The following HOOK2 variants were observed in gnomAD, a reference collection of about 807,000 sequenced individuals.
HOOK2 encodes the protein hook microtubule tethering protein 2, also known as protein Hook homolog 2.
HOOK2 carries 108 observed loss-of-function variants against 111.9 expected under a neutral mutation model. That is an observed-to-expected ratio of 0.96 (90% CI 0.83 to 1.13). HOOK2 has a LOEUF of 1.13. Among genes scored for constraint, HOOK2 ranks in the 50% most tolerant of loss-of-function variants. The pLI is 0.00. For synonymous variants in HOOK2, 405 were observed against 394.3 expected (o/e 1.03, Z -0.32); for missense variants, 978 against 951.3 (o/e 1.03, Z -0.37).
At position 12,770,110 on chromosome 19, in the gene HOOK2, G is replaced by T. The variant is rs546444287; in HGVS notation, c.903-28C>A. 2.1e-6 allele frequency: 3 copies of T among 1,463,170 alleles called. No homozygotes were observed. In the South Asian group the frequency reaches 3.9e-5, roughly 19 times the overall value. The allele number at this position is 1,463,170 out of a possible 1,614,324, so 90.6% of individuals were successfully genotyped here. A position where few individuals can be genotyped will look rare whatever the true frequency, so the allele number is the denominator to read the frequency against. ...AGGGGAGTGGGAGGGAAGGGGGAGG[G>T]CTGAGAGCTCTGATCAGGGGTCAGC... On this transcript the variant is annotated intron_variant, in intron 10 of 22. Transcript: ENST00000397668.
At chr19:12,770,632 C>T (rs979412954) in intron 10 of HOOK2, among the ~76,000 whole-genome samples, 1 of 136,652 alleles carries the variant, frequency 7.3e-6, no homozygotes, top group African/African-American at 2.8e-5. Flanking sequence ...ATCTGCAGAG[C>T]ATTGTAGGGG....
intron 3 of HOOK2, 112 bp from the exon 4 acceptor site, chr19:12,773,156 T>G: frequency 9.6e-7 from 1 of 1,043,130 alleles, no homozygotes. Context: ...CATCCTATTC[T>G]GTCTGCGTGC....
At chr19:12,774,465 G>A in intron 3 of HOOK2, 1 of 615,018 alleles carries the variant, frequency 1.6e-6, no homozygotes, top group Non-Finnish European at 2.9e-6. Context: ...TGGCTGTGTG[G>A]GGCAGGTTTT....
rs967934522 is a variant in HOOK2 at position 12,786,834 on chromosome 19, G to T, written n.42-12609C>A. 2.6e-5 allele frequency among the ~76,000 whole-genome samples: 4 copies of T among 152,130 alleles called. No homozygotes were observed. The highest frequency in any genetic ancestry group is 9.7e-5 in the African/African-American group (4 of 41,432). ...TGCTGGCCTGTCCACAGAGACCCGT[G>T]CCCCTCTGTCTGTGCCCCACCACAT... is the stretch of plus-strand genomic sequence containing the variant. On this transcript the variant is annotated intron_variant and non_coding_transcript_variant, in intron 3 of 3. Coordinates refer to the HOOK2 transcript ENST00000589765. The surrounding 1 kb of genome is among the most constrained non-coding windows in gnomAD (Gnocchi z 4.3).
chr19:12,784,188 G>T (rs1388583040), intron 3 of HOOK2, among the ~76,000 whole-genome samples: 1 of 152,144 alleles, frequency 6.6e-6, no homozygotes, highest in South Asian at 2.1e-4. Flanking sequence ...ACTGGGGGCA[G>T]AGTAAACATG....
At position 12,771,201 on chromosome 19, in the gene HOOK2, A is replaced by T; in HGVS notation, c.719T>A (p.Leu240Gln). 6.2e-7 allele frequency: 1 copy of T among 1,613,002 alleles called. No homozygotes were observed. The highest frequency in any genetic ancestry group is 8.5e-7 in the Non-Finnish European group (1 of 1,179,570). The change falls in exon 9 of 23, where the codon CTG becomes CAG. Residue 240 changes from leucine (L) to glutamine (Q), a missense_variant. Coordinates refer to ENST00000397668, the MANE Select transcript of HOOK2 (RefSeq NM_013312.3). ...TPGLTAKKLL[L>Q]LQSQLEQLQE... ...CAACTGCTCCAGCTGGGATTGCAGC[A>T]GCAGCAGCTTCTTGGCAGTGAGACC...
Position 12,786,131 on chromosome 19 carries a change from C to T in HOOK2, n.42-11906G>A, listed in dbSNP as rs1421179692. On this transcript the variant is annotated intron_variant and non_coding_transcript_variant, in intron 3 of 3. Transcript: ENST00000589765. This position sits in a 1 kb window ranked among gnomAD's most constrained non-coding sequence, Gnocchi z 4.3. ...CCTCTCCAGGAGAGGGGGCAAAGGA[C>T]CCCCAAACCACAGAGGTGGGAGAGG... 1.3e-5 allele frequency among the ~76,000 whole-genome samples: 2 copies of T among 152,204 alleles called. No homozygotes were observed. The highest frequency in any genetic ancestry group is 2.9e-5 in the Non-Finnish European group (2 of 68,028).
Position 12,763,510 on chromosome 19 carries a change from C to A in HOOK2, c.2010+18G>T. On this transcript the variant is annotated intron_variant, in intron 22 of 22. Transcript: ENST00000397668. Reference sequence around the variant, plus strand: ...ATATTCTACCCATGAGATCTTAGAGCCCAGACCCCACACTTACCATATTAT... The same window carrying A: ...ATATTCTACCCATGAGATCTTAGAGACCAGACCCCACACTTACCATATTAT... 6.2e-7 allele frequency: 1 copy of A among 1,614,178 alleles called. No homozygotes were observed. The highest frequency in any genetic ancestry group is 8.5e-7 in the Non-Finnish European group (1 of 1,180,030).
At chr19:12,782,678 C>T (rs180835363), upstream of HOOK2, among the ~76,000 whole-genome samples, 2 of 152,088 alleles carry the variant, frequency 1.3e-5, no homozygotes, top group East Asian at 3.9e-4. Flanking sequence ...GTGGCGGGGG[C>T]TGGGCGAGCG....
chr19:12,763,326 C>T lies in HOOK2; in HGVS notation c.2116G>A (p.Gly706Arg). The T allele has an allele frequency of 6.2e-7, 1 of 1,614,086 alleles. No individual in the cohort carries two copies. Among genetic ancestry groups the T allele is most frequent in the Non-Finnish European group, 8.5e-7 (1 of 1,180,040 alleles). Residue 706 changes from glycine to arginine, a missense_variant, in exon 23 of 23, where the codon GGA (glycine) becomes AGA (arginine). Coordinates refer to ENST00000397668, the MANE Select transcript of HOOK2 (RefSeq NM_013312.3). ...LATNSRRGPL[G>R]RLASLNLRPT... ...CGAAGGTTCAGAGATGCCAGGCGTC[C>T]CAAGGGTCCACGGCGAGAATTGGTT...
upstream of HOOK2, chr19:12,778,446 G>C (rs991717947): frequency 6.6e-6 from 1 of 152,286 alleles, no homozygotes; most frequent in Non-Finnish European, 1.5e-5. Context: ...TGGGGGAAGG[G>C]GACAAGGGCC....
chr19:12,792,264 C>T (rs769217729), intron 3 of HOOK2: 2 of 1,494,020 alleles, frequency 1.3e-6, no homozygotes, highest in Non-Finnish European at 1.8e-6. Flanking sequence ...TACCGGGGGG[C>T]CCCCGGCTGG....
intron 3 of HOOK2, among the ~76,000 whole-genome samples, chr19:12,788,113 C>T (rs181290846): frequency 3.4e-4 from 52 of 152,284 alleles, no homozygotes; most frequent in South Asian, 1.5e-3. Context: ...CTTCATGAGA[C>T]GGCCTGCAGC....
Position 12,769,888 on chromosome 19 carries a change from C to A in HOOK2, c.1097G>T (p.Arg366Leu). Reference protein sequence around the residue: ...GSLRAQLEAQRRQVQELQGQR... With the variant: ...GSLRAQLEAQLRQVQELQGQR... ...ACCCCGCCCCCGCCGCACCTGCCGC[C>A]GCTGCGCCTCCAGCTGGGCGCGCAG... Residue 366 changes from arginine (R) to leucine (L), a missense_variant, in exon 11 of 23, where the codon CGG (arginine) becomes CTG (leucine). Arg to Leu is a moderately radical substitution (Grantham distance 102). Around this residue, in one of 5 missense-constraint regions of HOOK2, gnomAD observed 388 missense variants for 358.3 expected, o/e 1.08. Transcript: ENST00000397668. 1 of 1,464,116 alleles carries A rather than the reference C, an allele frequency of 6.8e-7. No homozygotes were observed. Among genetic ancestry groups the A allele is most frequent in the Non-Finnish European group, 8.9e-7 (1 of 1,117,464 alleles). 90.7% of individuals were successfully genotyped at this position (1,464,116 alleles called of 1,614,324 possible). A position where few individuals can be genotyped will look rare whatever the true frequency, so the allele number is the denominator to read the frequency against.
upstream of HOOK2, among the ~76,000 whole-genome samples, chr19:12,777,742 G>T (rs1968555195): frequency 6.6e-6 from 1 of 152,278 alleles, no homozygotes; most frequent in South Asian, 2.1e-4. Flanking sequence ...GCCCACCAGG[G>T]GGCGCGGAGA....
upstream of HOOK2, among the ~76,000 whole-genome samples, chr19:12,777,822 G>T (rs1008396524): frequency 6.6e-6 from 1 of 152,244 alleles, no homozygotes; most frequent in Non-Finnish European, 1.5e-5. Context: ...GTGGAGCGGG[G>T]GTCAATGGAA....
At chr19:12,772,345 C>T (rs1968361856) in intron 6 of HOOK2, 93 bp from the exon 7 acceptor site, 2 of 1,381,782 alleles carry the variant, frequency 1.4e-6, no homozygotes, top group Admixed American at 1.7e-5. Flanking sequence ...CTCCATCCTC[C>T]CGTCAAGGCC....
In HOOK2 at chr19:12,775,535, C is replaced by A; in HGVS notation, c.-86G>T. On this transcript the variant is annotated 5_prime_UTR_variant, in exon 1 of 23. Coordinates refer to ENST00000397668, the MANE Select transcript of HOOK2 (RefSeq NM_013312.3). ...CGCCACCAGCGAGCGCCCGCAGCCC[C>A]GACCTCCCGCTCGGCCTAGAGCGCC... The A allele has an allele frequency of 1.4e-6, 2 of 1,453,222 alleles. No individual in the cohort carries two copies. Among genetic ancestry groups the A allele is most frequent in the South Asian group, 1.3e-5 (1 of 79,034 alleles). 90.0% of individuals were successfully genotyped at this position (1,453,222 alleles called of 1,614,324 possible).
At position 12,774,893 on chromosome 19, in the gene HOOK2, T is replaced by C; in HGVS notation, c.50A>G (p.Gln17Arg). The C allele has an allele frequency of 6.2e-7, 1 of 1,613,640 alleles. No homozygotes were observed. Among genetic ancestry groups the C allele is most frequent in the East Asian group, 2.2e-5 (1 of 44,874 alleles). Residue 17 changes from glutamine to arginine, a missense_variant, in exon 2 of 23, where the codon CAG (glutamine) becomes CGG (arginine). Physicochemically the swap from Gln to Arg is conservative, Grantham distance 43. This residue lies in a region of HOOK2 where 301 missense variants were observed against 286.1 expected (regional missense o/e 1.05). Coordinates refer to ENST00000397668, the MANE Select transcript of HOOK2 (RefSeq NM_013312.3). ...ACAGGGAGACGGAACGTGGAACGTC[T>C]GTAACTGAGGGGTAAAGGAAAGGAC... ...ELCGSLLTWL[Q>R]TFHVPSPCAS...
Sources: gnomAD v4.1 joint callset for allele counts (sites outside exome capture counted in the v4.1 genomes callset) on GRCh38, gnomAD v4.1.1 for gene constraint, gnomAD v4.1.1 regional missense constraint, Gnocchi (gnomAD v3.1) non-coding constraint, MANE v1.5 for transcripts, NCBI Gene and HGNC (gene_info 2026-07-23, HGNC 2026-07-21) for gene names.